The following WSB1 variants were observed in gnomAD, a reference collection of about 807,000 sequenced individuals.
The protein encoded by WSB1 is WD repeat and SOCS box-containing protein 1.
A neutral mutation model predicts 50.2 loss-of-function variants in WSB1; 23 were observed. That is an observed-to-expected ratio of 0.46 (90% CI 0.33 to 0.65). The LOEUF (loss-of-function observed/expected upper bound fraction) is 0.65, where lower values mean the gene tolerates loss of function less well. Ranked by LOEUF, WSB1 falls within the 30% of genes least tolerant of loss-of-function variation. WSB1 has a pLI of 0.02. For synonymous variants in WSB1, 179 were observed against 172.0 expected (o/e 1.04, Z -0.32); for missense variants, 492 against 522.3 (o/e 0.94, Z 0.56).
intron 1 of WSB1, among the ~76,000 whole-genome samples, chr17:27,294,832 G>T (rs2150823674): frequency 6.6e-6 from 1 of 152,348 alleles, no homozygotes; most frequent in Non-Finnish European, 1.5e-5. Context: ...GTAATGAAAG[G>T]AGGGGGTCCT....
intron 1 of WSB1, among the ~76,000 whole-genome samples, chr17:27,299,479 C>G (rs2017134681): frequency 1.3e-5 from 2 of 152,172 alleles, no homozygotes; most frequent in South Asian, 4.1e-4. Context: ...CTACTGCGCT[C>G]CAGCCTGCAT....
intron 6 of WSB1, 31 bp from the exon 7 acceptor site, chr17:27,310,030 A>T (rs570575228): frequency 1.3e-5 from 21 of 1,580,676 alleles, no homozygotes; most frequent in South Asian, 3.3e-5. Flanking sequence ...GAAGTGACTG[A>T]TATCCACTGA....
intron 1 of WSB1, among the ~76,000 whole-genome samples, chr17:27,295,100 G>A (rs1387610212): frequency 6.6e-6 from 1 of 152,210 alleles, no homozygotes; most frequent in Non-Finnish European, 1.5e-5. Context: ...GGTCGGCTTA[G>A]TAAAGGGCAA....
Position 27,310,179 on chromosome 17 carries a change from G to T in WSB1, c.998+5G>T, listed in dbSNP as rs1328037253. 6.2e-7 allele frequency: 1 copy of T among 1,612,538 alleles called. No individual in the cohort carries two copies. Among genetic ancestry groups the T allele is most frequent in the Admixed American group, 1.7e-5 (1 of 59,998 alleles). On this transcript the variant is annotated splice_donor_5th_base_variant and intron_variant, in intron 7 of 8. Coordinates refer to ENST00000262394, the MANE Select transcript of WSB1 (RefSeq NM_015626.10). ...TGCAAGCCTTGCTGATGATAAGTAAGTATGTGCATTATAGCTTGACTGACT... is the reference window on the plus strand; with the variant it reads ...TGCAAGCCTTGCTGATGATAAGTAATTATGTGCATTATAGCTTGACTGACT...
intron 8 of WSB1, among the ~76,000 whole-genome samples, chr17:27,311,884 G>A (rs576582792): frequency 3.3e-5 from 5 of 152,108 alleles, no homozygotes; most frequent in African/African-American, 9.6e-5. Flanking sequence ...CTGACCTCAA[G>A]TGATCTTCCC....
rs1377462557 is a variant in WSB1 at position 27,313,424 on chromosome 17, T to C, written c.*1055T>C. The stretch of plus-strand genomic sequence containing the variant: ...TGTTTATACTAAGGGACAATTATTT[T>C]AAGACCATGGATTTAAAAAAAAAAA... On this transcript the variant is annotated 3_prime_UTR_variant, in exon 9 of 9. Transcript: ENST00000262394. 5 of 149,526 alleles carry C rather than the reference T, an allele frequency of 3.3e-5. No individual in the cohort carries two copies. The highest frequency in any genetic ancestry group is 5.9e-5 in the Non-Finnish European group (4 of 67,516). The allele number at this position is 149,526 out of a possible 1,614,324, so 9.3% of individuals were successfully genotyped here.
rs377499804 is a variant in WSB1 at position 27,309,283 on chromosome 17, C to A, written c.884+11C>A. 6.4e-7 allele frequency: 1 copy of A among 1,562,024 alleles called. No homozygotes were observed. ...TCTGATGGAATTTGGGTGGGTACAGCATGAATTATTTTAGTCTATAATTCA... is the reference window on the plus strand; with the variant it reads ...TCTGATGGAATTTGGGTGGGTACAGAATGAATTATTTTAGTCTATAATTCA... On this transcript the variant is annotated intron_variant, in intron 6 of 8. Coordinates refer to ENST00000262394, the MANE Select transcript of WSB1 (RefSeq NM_015626.10).
chr17:27,296,453 A>T (rs1375848317), intron 1 of WSB1, among the ~76,000 whole-genome samples: 1 of 151,762 alleles, frequency 6.6e-6, no homozygotes, highest in African/African-American at 2.4e-5. Flanking sequence ...ATGAATAAGG[A>T]TTTACTTTTT....
intron 1 of WSB1, 166 bp from the exon 2 acceptor site, chr17:27,301,622 G>A (rs2017232200): frequency 2.0e-6 from 1 of 493,992 alleles, no homozygotes; most frequent in Admixed American, 3.9e-5. Flanking sequence ...TATCGTTAAG[G>A]GGTCTTCATA....
chr17:27,299,071 G>A (rs1226374801), intron 1 of WSB1, among the ~76,000 whole-genome samples: 2 of 152,126 alleles, frequency 1.3e-5, no homozygotes, highest in African/African-American at 4.8e-5. Flanking sequence ...AAATTCAGAG[G>A]CCAGGCATAT....
chr17:27,294,440 G>C lies in WSB1; in HGVS notation c.40+5G>C. The stretch of plus-strand genomic sequence containing the variant: ...GGGTCAACGAGAAAGAGATCGGTGA[G>C]GATTGGGACCGTGGGTGGGCGCATG... On this transcript the variant is annotated splice_donor_5th_base_variant and intron_variant, in intron 1 of 8. Coordinates refer to ENST00000262394, the MANE Select transcript of WSB1 (RefSeq NM_015626.10). 2 of 1,613,318 alleles carry C rather than the reference G, an allele frequency of 1.2e-6. No homozygotes were observed. The highest frequency in any genetic ancestry group is 8.5e-7 in the Non-Finnish European group (1 of 1,179,480).
In WSB1 at chr17:27,294,375, G is replaced by C. The variant is rs1481692702; in HGVS notation, c.-21G>C. 6.2e-7 allele frequency: 1 copy of C among 1,612,954 alleles called. No homozygotes were observed. The highest frequency in any genetic ancestry group is 8.5e-7 in the Non-Finnish European group (1 of 1,179,280). On this transcript the variant is annotated 5_prime_UTR_variant, in exon 1 of 9. Transcript: ENST00000262394. Reference sequence around the variant, plus strand: ...TTGTTGGGTCCGCATCGTATTCCCGGAATCAGACGGTGCCCCATAGATGGC... The same window carrying C: ...TTGTTGGGTCCGCATCGTATTCCCGCAATCAGACGGTGCCCCATAGATGGC...
At chr17:27,303,833 T>G (rs2017336135) in intron 3 of WSB1, 198 bp downstream of exon 3, 4 of 625,136 alleles carry the variant, frequency 6.4e-6, no homozygotes, top group Non-Finnish European at 1.1e-5. Context: ...GAGTTCATAT[T>G]GCTTCATCAC....
At chr17:27,311,696 ATC>A (rs944076596) in intron 8 of WSB1, 80 bp downstream of exon 8, 3 of 1,053,426 alleles carry the variant, frequency 2.8e-6, no homozygotes, top group Non-Finnish European at 3.9e-6. Context: ...CAGTGGTGCA[ATC>A]TCTGCTCACT....
intron 5 of WSB1, chr17:27,308,101 T>C: frequency 1.8e-6 from 2 of 1,094,072 alleles, no homozygotes; most frequent in Non-Finnish European, 2.2e-6. Context: ...GGTTTCTCTG[T>C]GCTATTTTTT....
intron 3 of WSB1, among the ~76,000 whole-genome samples, chr17:27,304,561 A>G (rs2017367452): frequency 7.5e-6 from 1 of 133,888 alleles, no homozygotes; most frequent in African/African-American, 2.8e-5. Flanking sequence ...AAAAAAAAAA[A>G]AAAGGCCAGC....
chr17:27,298,627 C>T (rs964082282), intron 1 of WSB1, among the ~76,000 whole-genome samples: 4 of 151,904 alleles, frequency 2.6e-5, no homozygotes, highest in African/African-American at 4.8e-5. Flanking sequence ...CCGAGGCGGG[C>T]GGGTCACAAG....
At chr17:27,305,037 T>A in intron 4 of WSB1, 126 bp downstream of exon 4, 2 of 1,212,448 alleles carry the variant, frequency 1.6e-6, no homozygotes, top group Non-Finnish European at 2.3e-6. Context: ...TTCTCTGCCT[T>A]AACACTTAGG....
intron 2 of WSB1, 180 bp downstream of exon 2, chr17:27,302,136 C>T (rs1208183691): frequency 2.5e-5 from 20 of 789,340 alleles, no homozygotes; most frequent in South Asian, 9.5e-5. Context: ...TTGGGCCGGG[C>T]GCGGCGGCTC....
Sources: allele counts gnomAD v4.1 joint callset (sites outside exome capture counted in the v4.1 genomes callset), GRCh38; gene constraint gnomAD v4.1.1; transcripts MANE v1.5; gene names NCBI Gene and HGNC (gene_info 2026-07-23, HGNC 2026-07-21).